The following STARD13 variants were observed in gnomAD, a reference collection of about 807,000 sequenced individuals.
The protein encoded by STARD13 is StAR related lipid transfer domain containing 13, also known as stAR-related lipid transfer protein 13.
A neutral mutation model predicts 106.4 loss-of-function variants in STARD13; 62 were observed. The ratio of observed to expected loss-of-function variants is 0.58; its 90% CI spans 0.48 to 0.72. The LOEUF (loss-of-function observed/expected upper bound fraction) is 0.72. Among genes scored for constraint, STARD13 ranks in the 30% least tolerant of loss-of-function variants. The pLI, the probability that STARD13 is intolerant of heterozygous loss-of-function variation, is 0.00. For synonymous variants in STARD13, 565 were observed against 553.0 expected, an observed-to-expected ratio of 1.02 and a Z score of -0.31; for missense variants, 1,387 against 1,424.0, an observed-to-expected ratio of 0.97 and a Z score of 0.42.
At chr13:33,161,141 C>T (rs1034045267) in intron 3 of STARD13, among the ~76,000 whole-genome samples, 2 of 152,062 alleles carry the variant, frequency 1.3e-5, no homozygotes, top group Non-Finnish European at 2.9e-5. Context: ...TATTTTATAA[C>T]AAGTGAAAGA....
intron 4 of STARD13, among the ~76,000 whole-genome samples, chr13:33,140,007 G>C (rs1879601582): frequency 6.6e-6 from 1 of 152,188 alleles, no homozygotes; most frequent in Non-Finnish European, 1.5e-5. Context: ...TGCATTCTGA[G>C]GCCTATAGCT....
At chr13:33,506,049 G>A in the STARD13 span, among the ~76,000 whole-genome samples, 1 of 152,100 alleles carries the variant, frequency 6.6e-6, no homozygotes, top group Non-Finnish European at 1.5e-5. Flanking sequence ...TGTACCCATA[G>A]TCACTGTACT....
chr13:33,168,167 C>T (rs975735230), intron 1 of STARD13, among the ~76,000 whole-genome samples: 1 of 151,782 alleles, frequency 6.6e-6, no homozygotes, highest in African/African-American at 2.4e-5. Flanking sequence ...AAAAATTTCA[C>T]TAATAGCCTT....
At chr13:33,533,476 G>C in the STARD13 span, among the ~76,000 whole-genome samples, 2 of 152,110 alleles carry the variant, frequency 1.3e-5, no homozygotes, top group African/African-American at 4.8e-5. Context: ...GAAATACTAT[G>C]GCACCCACCT....
At position 33,110,794 on chromosome 13, in the gene STARD13, G is replaced by A; in HGVS notation, c.2721C>T (p.His907=). Reference sequence around the variant, plus strand: ...CCTGGATGAGATGGTTCAGGTAAGTGTGGAAAGTTGCCCCACTCTCCTCCA... The same window carrying A: ...CCTGGATGAGATGGTTCAGGTAAGTATGGAAAGTTGCCCCACTCTCCTCCA... ...TQLEESGATF[H]TYLNHLIQGL... The change falls in exon 11 of 14, where the codon CAC becomes CAT. Residue 907 remains histidine (H), a synonymous_variant. Coordinates refer to ENST00000336934, the MANE Select transcript of STARD13 (RefSeq NM_178006.4). 3.1e-6 allele frequency: 5 copies of A among 1,614,198 alleles called. No individual in the cohort carries two copies. The South Asian group carries it at 4.4e-5, about 14-fold the overall frequency.
the STARD13 span, among the ~76,000 whole-genome samples, chr13:33,411,546 G>A: frequency 1.2e-4 from 13 of 108,996 alleles, no homozygotes; most frequent in South Asian, 2.3e-3. Context: ...GAAACAAAGG[G>A]AAGGTGGGAA....
chr13:33,190,568 G>A (rs557983780), intron 1 of STARD13, among the ~76,000 whole-genome samples: 50 of 149,416 alleles, frequency 3.3e-4, no homozygotes, highest in African/African-American at 1.2e-3. Context: ...CACCCATTTC[G>A]TTTTCTTTTC....
rs368769712 is a variant in STARD13, at chr13:33,264,305, T to G, written c.169+21165A>C. On this transcript the variant is annotated intron_variant, in intron 1 of 13. Coordinates refer to ENST00000336934, the MANE Select transcript of STARD13 (RefSeq NM_178006.4). ...CCATGAGCATAATAACATGGTTGTT[T>G]AATACCACTAAGTTTGGGACAGTTT... is the stretch of plus-strand genomic sequence containing the variant. Among the ~76,000 whole-genome samples the G allele has an allele frequency of 1.4e-4, 22 of 152,346 alleles. 3 individuals are homozygous for G. The South Asian group carries it at 3.3e-3, about 23-fold the overall frequency.
At chr13:33,384,667 T>C in the STARD13 span, among the ~76,000 whole-genome samples, 1 of 152,214 alleles carries the variant, frequency 6.6e-6, no homozygotes, top group Non-Finnish European at 1.5e-5. Context: ...ACTACTCTAA[T>C]GGTTTAGTTA....
chr13:33,162,511 C>G (rs1882752568), intron 3 of STARD13, among the ~76,000 whole-genome samples: 2 of 152,222 alleles, frequency 1.3e-5, no homozygotes, highest in Admixed American at 1.3e-4. Flanking sequence ...CTTTTATGCT[C>G]TGTTTCCTTT....
chr13:33,203,068 G>C (rs919157465), intron 1 of STARD13, among the ~76,000 whole-genome samples: 2 of 152,178 alleles, frequency 1.3e-5, no homozygotes, highest in Non-Finnish European at 2.9e-5. Context: ...ATGTCATATG[G>C]GCCTCCCAAC....
chr13:33,499,600 CTTCTTTCTTCTTCTT>C, the STARD13 span, among the ~76,000 whole-genome samples: 500 of 65,782 alleles, frequency 7.6e-3, 9 homozygotes, highest in South Asian at 0.015. Flanking sequence ...TCTTCTTCTT[CTTCTTTCTTCTTCTT>C]CTTCTTCTTC....
intron 4 of STARD13, among the ~76,000 whole-genome samples, chr13:33,132,901 A>G (rs1463113350): frequency 6.6e-6 from 1 of 152,358 alleles, no homozygotes; most frequent in East Asian, 1.9e-4. Flanking sequence ...TGTGATTGAT[A>G]TAATGAAAAC....
At chr13:33,560,331 A>G in the STARD13 span, among the ~76,000 whole-genome samples, 2 of 151,642 alleles carry the variant, frequency 1.3e-5, no homozygotes, top group African/African-American at 4.9e-5. Context: ...CTTTTTAAAA[A>G]GTTAAACTGT....
the STARD13 span, among the ~76,000 whole-genome samples, chr13:33,601,957 A>G: frequency 6.6e-6 from 1 of 152,188 alleles, no homozygotes; most frequent in African/African-American, 2.4e-5. Context: ...AAGCAGTCGT[A>G]TGGAAAAACA....
chr13:33,163,613 T>TATATATATAAAACATATATATATAACAA (rs1474247321), intron 3 of STARD13, among the ~76,000 whole-genome samples: 1 of 132,150 alleles, frequency 7.6e-6, no homozygotes, highest in Non-Finnish European at 1.6e-5. Context: ...AAAATATATA[T>TATATATATAAAACATATATATATAACAA]ATATATATAT....
intron 1 of STARD13, among the ~76,000 whole-genome samples, chr13:33,338,939 T>C (rs1014787290): frequency 3.3e-5 from 5 of 150,804 alleles, no homozygotes; most frequent in African/African-American, 1.2e-4. Context: ...CATATGAATC[T>C]AGAAGTGAAG....
chr13:33,395,970 T>C, the STARD13 span, among the ~76,000 whole-genome samples: 1 of 150,426 alleles, frequency 6.6e-6, no homozygotes, highest in Non-Finnish European at 1.5e-5. Context: ...GCCTCCTGAG[T>C]AGCTGAGACT....
At chr13:33,201,210 G>T (rs1484477401) in intron 1 of STARD13, among the ~76,000 whole-genome samples, 1 of 152,066 alleles carries the variant, frequency 6.6e-6, no homozygotes, top group Non-Finnish European at 1.5e-5. Context: ...AGCTTCAGCG[G>T]GTGGCATTAT....
Sources: allele counts gnomAD v4.1 joint callset (sites outside exome capture counted in the v4.1 genomes callset), GRCh38; gene constraint gnomAD v4.1.1; transcripts MANE v1.5; gene names NCBI Gene and HGNC (gene_info 2026-07-23, HGNC 2026-07-21).